AAMP: variants seen among roughly 807,000 people sequenced by gnomAD.
The protein encoded by AAMP is angio-associated migratory cell protein.
In AAMP, 12 loss-of-function variants were observed where a neutral mutation model predicts 51.1. That is an observed-to-expected ratio of 0.23 (90% CI 0.15 to 0.38). AAMP has a LOEUF of 0.38. Ranked by LOEUF, AAMP falls within the 10% of genes least tolerant of loss-of-function variation. AAMP has a pLI of 1.00. For missense variants in AAMP, 418 were observed against 557.2 expected (o/e 0.75, Z 2.52); for synonymous variants, 210 against 218.7 (o/e 0.96, Z 0.35).
chr2:218,266,219 G>T lies in AAMP; in HGVS notation c.680-72C>A. On this transcript the variant is annotated intron_variant, in intron 5 of 10. Coordinates refer to ENST00000248450, the MANE Select transcript of AAMP (RefSeq NM_001087.5). The surrounding 1 kb of genome is among the most constrained non-coding windows in gnomAD (Gnocchi z 4.7). ...ACACTAAGCAAGGGAATGGGGAGAG[G>T]GAGAGGAAAGAAGAGTGGAAGGGCC... The T allele has an allele frequency of 6.8e-7, 1 of 1,466,668 alleles. No homozygotes were observed. The highest frequency in any genetic ancestry group is 9.5e-7 in the Non-Finnish European group (1 of 1,049,170). The allele number at this position is 1,466,668 out of a possible 1,614,324, so 90.9% of individuals were successfully genotyped here. A position where few individuals can be genotyped will look rare whatever the true frequency, so the allele number is the denominator to read the frequency against.
rs569465983 is a variant in AAMP at position 218,267,438 on chromosome 2, C to G, written c.394+56G>C. 1.2e-6 allele frequency: 2 copies of G among 1,603,934 alleles called. No individual in the cohort carries two copies. The highest frequency in any genetic ancestry group is 2.2e-5 in the South Asian group (2 of 90,454). ...TGCACAACCTCTGCAGGTCAGCCTC[C>G]TAAGATCTCCCAAAAGAATATGACC... On this transcript the variant is annotated intron_variant, in intron 3 of 10. Coordinates refer to ENST00000248450, the MANE Select transcript of AAMP (RefSeq NM_001087.5). The surrounding 1 kb of genome is among the most constrained non-coding windows in gnomAD (Gnocchi z 4.6).
At chr2:218,264,667 G>C in intron 10 of AAMP, 59 bp from the exon 11 acceptor site, 3 of 1,484,384 alleles carry the variant, frequency 2.0e-6, no homozygotes, top group Non-Finnish European at 2.8e-6. Context: ...CCACCTAGGG[G>C]CCCTAGGGTG....
intron 10 of AAMP, 93 bp from the exon 11 acceptor site, chr2:218,264,701 T>A: frequency 8.8e-7 from 1 of 1,139,052 alleles, no homozygotes; most frequent in South Asian, 1.2e-5. Context: ...CACCCTCAGT[T>A]CTAGGGCCCT....
At chr2:218,268,939 C>T (rs1325686428) in intron 2 of AAMP, among the ~76,000 whole-genome samples, 1 of 152,046 alleles carries the variant, frequency 6.6e-6, no homozygotes, top group Admixed American at 6.6e-5. Context: ...CCTTGTGATC[C>T]GCCTGCCTGG....
rs749452251 is a variant in AAMP, at chr2:218,266,180, G to A, written c.680-33C>T. 5 of 1,590,868 alleles carry A rather than the reference G, an allele frequency of 3.1e-6. No individual in the cohort carries two copies. The highest frequency in any genetic ancestry group is 1.1e-5 in the South Asian group (1 of 90,536). Reference sequence around the variant, plus strand: ...GAGGCACAGATGAAGAGAGGGCAGAGGGCACGCTCACATACACTAAGCAAG... The same window carrying A: ...GAGGCACAGATGAAGAGAGGGCAGAAGGCACGCTCACATACACTAAGCAAG... On this transcript the variant is annotated intron_variant, in intron 5 of 10. Transcript: ENST00000248450. The surrounding 1 kb of genome is among the most constrained non-coding windows in gnomAD (Gnocchi z 4.7).
At position 218,267,302 on chromosome 2, in the gene AAMP, G is replaced by A; in HGVS notation, c.394+192C>T. ...CTCTGGCCTTTCCTGGATTCCCTTG[G>A]CCAATTAGTGCCTCCTGCCTCTGTG... is the stretch of plus-strand genomic sequence containing the variant. On this transcript the variant is annotated intron_variant, in intron 3 of 10. Coordinates refer to ENST00000248450, the MANE Select transcript of AAMP (RefSeq NM_001087.5). The surrounding 1 kb of genome is among the most constrained non-coding windows in gnomAD (Gnocchi z 4.6). 1 of 856,538 alleles carries A rather than the reference G, an allele frequency of 1.2e-6. No homozygotes were observed. Among genetic ancestry groups the A allele is most frequent in the Non-Finnish European group, 1.8e-6 (1 of 555,450 alleles). 53.1% of individuals were successfully genotyped at this position (856,538 alleles called of 1,614,324 possible).
At position 218,266,205 on chromosome 2, in the gene AAMP, G is replaced by A; in HGVS notation, c.680-58C>T. 3.3e-6 allele frequency: 5 copies of A among 1,509,206 alleles called. No individual in the cohort carries two copies. In the South Asian group the frequency reaches 5.6e-5, roughly 17 times the overall value. 93.5% of individuals were successfully genotyped at this position (1,509,206 alleles called of 1,614,324 possible). A position where few individuals can be genotyped will look rare whatever the true frequency, so the allele number is the denominator to read the frequency against. The stretch of plus-strand genomic sequence containing the variant: ...GGGCACGCTCACATACACTAAGCAA[G>A]GGAATGGGGAGAGGGAGAGGAAAGA... On this transcript the variant is annotated intron_variant, in intron 5 of 10. Coordinates refer to ENST00000248450, the MANE Select transcript of AAMP (RefSeq NM_001087.5). The surrounding 1 kb of genome is among the most constrained non-coding windows in gnomAD (Gnocchi z 4.7).
Position 218,267,335 on chromosome 2 carries a change from C to T in AAMP, c.394+159G>A. The stretch of plus-strand genomic sequence containing the variant: ...GTGCCTCCTGCCTCTGTGCCCAAAA[C>T]ACACTAGTATTCGCCCCGTGTCCCT... On this transcript the variant is annotated intron_variant, in intron 3 of 10. Coordinates refer to ENST00000248450, the MANE Select transcript of AAMP (RefSeq NM_001087.5). This position sits in a 1 kb window ranked among gnomAD's most constrained non-coding sequence, Gnocchi z 4.6. 1.1e-5 allele frequency: 12 copies of T among 1,138,142 alleles called. No homozygotes were observed. Among genetic ancestry groups the T allele is most frequent in the Non-Finnish European group, 1.5e-5 (12 of 796,604 alleles). The allele number at this position is 1,138,142 out of a possible 1,614,324, so 70.5% of individuals were successfully genotyped here. A position where few individuals can be genotyped will look rare whatever the true frequency, so the allele number is the denominator to read the frequency against.
chr2:218,267,063 G>A lies in AAMP; in HGVS notation c.395-77C>T. 1 of 1,562,144 alleles carries A rather than the reference G, an allele frequency of 6.4e-7. No individual in the cohort carries two copies. The highest frequency in any genetic ancestry group is 8.8e-7 in the Non-Finnish European group (1 of 1,141,070). On this transcript the variant is annotated intron_variant, in intron 3 of 10. Transcript: ENST00000248450. The surrounding 1 kb of genome is among the most constrained non-coding windows in gnomAD (Gnocchi z 4.6). ...CTGGGGGCATGTGATTCTGGTATCT[G>A]GCCCACTGAAAGGACCAGCTAGGAA...
chr2:218,264,468 G>T lies in AAMP; in HGVS notation c.*65C>A. 6.7e-7 allele frequency: 1 copy of T among 1,489,074 alleles called. No individual in the cohort carries two copies. Among genetic ancestry groups the T allele is most frequent in the Non-Finnish European group, 9.4e-7 (1 of 1,066,774 alleles). 92.2% of individuals were successfully genotyped at this position (1,489,074 alleles called of 1,614,324 possible). A position where few individuals can be genotyped will look rare whatever the true frequency, so the allele number is the denominator to read the frequency against. ...CCCTCTGTGCCCTACTGCCTCTGCT[G>T]GCAGACAGGGGCAGGGGTCCCTTCG... On this transcript the variant is annotated 3_prime_UTR_variant, in exon 11 of 11. Coordinates refer to ENST00000248450, the MANE Select transcript of AAMP (RefSeq NM_001087.5).
rs1690640547 is a variant in AAMP at position 218,266,787 on chromosome 2, A to C, written c.534+60T>G. 4 of 1,605,794 alleles carry C rather than the reference A, an allele frequency of 2.5e-6. No individual in the cohort carries two copies. The South Asian group carries it at 4.4e-5, about 18-fold the overall frequency. ...CAATAAAGGCAGAACTGGCCTCCCA[A>C]GCTTGCACCCCCAACAACCCAAGGC... On this transcript the variant is annotated intron_variant, in intron 4 of 10. Coordinates refer to ENST00000248450, the MANE Select transcript of AAMP (RefSeq NM_001087.5). The surrounding 1 kb of genome is among the most constrained non-coding windows in gnomAD (Gnocchi z 4.7).
In AAMP at chr2:218,265,587, G is replaced by A; in HGVS notation, c.975C>T (p.Phe325=). ...TCCCCATCCTCACTCACACACTGCA[G>A]AAGCCCAAGGACTCCACCGAGTTGG... ...SESNSVESLG[F]CSVMPLAAVG... Residue 325 remains phenylalanine (F), a synonymous_variant, in exon 8 of 11, where the codon TTC becomes TTT. Coordinates refer to ENST00000248450, the MANE Select transcript of AAMP (RefSeq NM_001087.5). This position sits in a 1 kb window ranked among gnomAD's most constrained non-coding sequence, Gnocchi z 6.6. The A allele has an allele frequency of 6.2e-7, 1 of 1,613,824 alleles. No individual in the cohort carries two copies. Among genetic ancestry groups the A allele is most frequent in the Non-Finnish European group, 8.5e-7 (1 of 1,179,918 alleles).
Position 218,265,776 on chromosome 2 carries a change from G to C in AAMP, c.879+55C>G. ...AGAGGAGACAGTGAAGACCCAGGAAGGAAGGAGAGGAGTCGGGAAAGCGGA... is the reference window on the plus strand; with the variant it reads ...AGAGGAGACAGTGAAGACCCAGGAACGAAGGAGAGGAGTCGGGAAAGCGGA... On this transcript the variant is annotated intron_variant, in intron 7 of 10. Coordinates refer to ENST00000248450, the MANE Select transcript of AAMP (RefSeq NM_001087.5). This position sits in a 1 kb window ranked among gnomAD's most constrained non-coding sequence, Gnocchi z 6.6. 1 of 1,579,804 alleles carries C rather than the reference G, an allele frequency of 6.3e-7. No homozygotes were observed. The highest frequency in any genetic ancestry group is 8.7e-7 in the Non-Finnish European group (1 of 1,151,680).
intron 2 of AAMP, among the ~76,000 whole-genome samples, chr2:218,268,786 C>T (rs1690703315): frequency 1.3e-5 from 2 of 151,774 alleles, no homozygotes; most frequent in South Asian, 4.2e-4. Flanking sequence ...GCAACCTCCG[C>T]CTCCCGGGTT....
Position 218,265,082 on chromosome 2 carries a change from G to C in AAMP, c.1167C>G (p.Thr389=). The change falls in exon 10 of 11, where the codon ACC becomes ACG. Residue 389 remains threonine, a synonymous_variant. Transcript: ENST00000248450. The surrounding 1 kb of genome is among the most constrained non-coding windows in gnomAD (Gnocchi z 6.6). ...DGIVRLWDAR[T]GRLLTDYRGH... ...CCCGGTAGTCAGTAAGCAGGCGGCC[G>C]GTCCGGGCGTCCCAGAGGCGCACGA... The C allele has an allele frequency of 6.2e-7, 1 of 1,613,680 alleles. No homozygotes were observed. The highest frequency in any genetic ancestry group is 8.5e-7 in the Non-Finnish European group (1 of 1,179,968).
In AAMP at chr2:218,264,423, C is replaced by T; in HGVS notation, c.*110G>A. On this transcript the variant is annotated 3_prime_UTR_variant, in exon 11 of 11. Transcript: ENST00000248450. ...CAGTTGAAGAGGCTGGAAAGTCATCCAGGGCCCCACCCTCCTCTTCCCTCT... is the reference window on the plus strand; with the variant it reads ...CAGTTGAAGAGGCTGGAAAGTCATCTAGGGCCCCACCCTCCTCTTCCCTCT... 1 of 1,074,908 alleles carries T rather than the reference C, an allele frequency of 9.3e-7. No individual in the cohort carries two copies. Among genetic ancestry groups the T allele is most frequent in the Non-Finnish European group, 1.4e-6 (1 of 701,056 alleles). 66.6% of individuals were successfully genotyped at this position (1,074,908 alleles called of 1,614,324 possible). A position where few individuals can be genotyped will look rare whatever the true frequency, so the allele number is the denominator to read the frequency against.
At chr2:218,264,749 T>G (rs1690580922) in intron 10 of AAMP, 141 bp from the exon 11 acceptor site, 1 of 842,650 alleles carries the variant, frequency 1.2e-6, no homozygotes. Flanking sequence ...GCAGCCAGCA[T>G]GGAGGGGATT....
rs368777489 is a variant in AAMP, at chr2:218,270,043, G to C, written c.44C>G (p.Pro15Arg). 5.0e-6 allele frequency: 8 copies of C among 1,613,642 alleles called. No homozygotes were observed. Among genetic ancestry groups the C allele is most frequent in the East Asian group, 2.2e-5 (1 of 44,864 alleles). Reference sequence around the variant, plus strand: ...ACCATGGAAGCTTAGGGTCTCCAGTGGGGGGGTGTCAGCAGCAGCCCCGCT... The same window carrying C: ...ACCATGGAAGCTTAGGGTCTCCAGTCGGGGGGTGTCAGCAGCAGCCCCGCT... ...SESGAAADTP[P>R]LETLSFHGDE... is the part of the protein sequence containing the mutation. The change falls in exon 1 of 11, where the codon CCA becomes CGA. Residue 15 changes from proline to arginine, a missense_variant. Transcript: ENST00000248450.
In AAMP at chr2:218,265,663, G is replaced by A; in HGVS notation, c.899C>T (p.Pro300Leu). Residue 300 changes from proline to leucine, a missense_variant, in exon 8 of 11, where the codon CCT becomes CTT. Pro to Leu is a moderately conservative substitution (Grantham distance 98). Transcript: ENST00000248450. This position sits in a 1 kb window ranked among gnomAD's most constrained non-coding sequence, Gnocchi z 6.6. ...TTGKVVGVFRPETVASQPSLG... is the reference protein window; with the variant it reads ...TTGKVVGVFRLETVASQPSLG... ...GCTGGGCTGGGAGGCCACAGTCTCA[G>A]GTCTAAAAACACCCACCACCTGAAA... The A allele has an allele frequency of 6.2e-7, 1 of 1,613,226 alleles. No homozygotes were observed. The highest frequency in any genetic ancestry group is 1.1e-5 in the South Asian group (1 of 91,078).
Sources: gnomAD v4.1 joint callset for allele counts (sites outside exome capture counted in the v4.1 genomes callset) on GRCh38, gnomAD v4.1.1 for gene constraint, Gnocchi (gnomAD v3.1) non-coding constraint, MANE v1.5 for transcripts, NCBI Gene and HGNC (gene_info 2026-07-23, HGNC 2026-07-21) for gene names.